S100A7: variants seen among roughly 807,000 people sequenced by gnomAD.
S100A7 encodes protein S100-A7.
A neutral mutation model predicts 3.8 loss-of-function variants in S100A7; 2 were observed. The observed-to-expected ratio is 0.53, with a 90% CI of 0.22 to 1.67. The LOEUF (loss-of-function observed/expected upper bound fraction) is 1.67. Ranked by LOEUF, S100A7 falls within the 40% of genes most tolerant of loss-of-function variation. S100A7 has a pLI of 0.20. For synonymous variants in S100A7, 55 were observed against 45.9 expected (o/e 1.20, Z -0.80); for missense variants, 130 against 126.3 (o/e 1.03, Z -0.14).
chr1:153,458,826 A>G (rs770342115), intron 2 of S100A7, 47 bp downstream of exon 2: 9 of 1,606,888 alleles, frequency 5.6e-6, no homozygotes, highest in African/African-American at 2.7e-5. Context: ...CCAAGGCCAC[A>G]TAGCAAAATG....
Position 153,457,942 on chromosome 1 carries a change from T to G in S100A7, c.170A>C (p.Asp57Ala), listed in dbSNP as rs774793621. ...CDKKGTNYLA[D>A]VFEKKDKNED... ...ATTCTTGTCCTTTTTCTCAAAGACA[T>G]CGGCGAGGTAATTTGTGCCCTTTTT... The change falls in exon 3 of 3, where the codon GAT becomes GCT. Residue 57 changes from aspartate (D) to alanine (A), a missense_variant. Physicochemically the swap from Asp to Ala is moderately radical, Grantham distance 126 (BLOSUM62 -2). Coordinates refer to ENST00000368723, the MANE Select transcript of S100A7 (RefSeq NM_002963.4). 11 of 1,613,824 alleles carry G rather than the reference T, an allele frequency of 6.8e-6. No homozygotes were observed. The highest frequency in any genetic ancestry group is 2.7e-5 in the African/African-American group (2 of 74,882).
chr1:153,460,433 A>G (rs1015239212), intron 1 of S100A7, among the ~76,000 whole-genome samples, 175 bp downstream of exon 1: 9 of 152,350 alleles, frequency 5.9e-5, no homozygotes, highest in Middle Eastern at 3.4e-3. Context: ...CCACCTGGTT[A>G]TACAGACGTG....
intron 2 of S100A7, among the ~76,000 whole-genome samples, chr1:153,458,515 G>A (rs1276637285): frequency 6.6e-6 from 1 of 151,964 alleles, no homozygotes; most frequent in Non-Finnish European, 1.5e-5. Context: ...TACTAACAAT[G>A]GAACTTCTAG....
At chr1:153,459,180 T>A in intron 1 of S100A7, 150 bp from the exon 2 acceptor site, 2 of 967,104 alleles carry the variant, frequency 2.1e-6, no homozygotes, top group East Asian at 2.7e-5. Flanking sequence ...ATGGGATAAG[T>A]TGCTCAAAAA....
In S100A7 at chr1:153,458,012, A is replaced by T. The variant is rs540092904; in HGVS notation, c.142-42T>A. 1.1e-5 allele frequency: 18 copies of T among 1,605,152 alleles called. No individual in the cohort carries two copies. The African/African-American group carries it at 1.9e-4, about 17-fold the overall frequency. On this transcript the variant is annotated intron_variant, in intron 2 of 2. Transcript: ENST00000368723. Reference sequence around the variant, plus strand: ...ATACAAAATAGAAAAATTCAATCACAAACAAGTTTTGGGCTGGGAGGGAGA... The same window carrying T: ...ATACAAAATAGAAAAATTCAATCACTAACAAGTTTTGGGCTGGGAGGGAGA...
intron 1 of S100A7, chr1:153,459,873 C>A (rs1663786438): frequency 6.6e-6 from 1 of 152,232 alleles, no homozygotes; most frequent in Non-Finnish European, 1.5e-5. Context: ...GCACCCCAAG[C>A]CTGAAAAATA....
Position 153,458,806 on chromosome 1 carries a change from G to A in S100A7, c.141+67C>T. On this transcript the variant is annotated intron_variant, in intron 2 of 2. Transcript: ENST00000368723. ...GGAAATTTTTTAATCAGAGGGTGAG[G>A]GTGATCTGTCCAAGGCCACATAGCA... The A allele has an allele frequency of 5.8e-6, 9 of 1,557,722 alleles. No homozygotes were observed. The South Asian group carries it at 7.2e-5, about 12-fold the overall frequency.
intron 1 of S100A7, among the ~76,000 whole-genome samples, chr1:153,459,428 T>C (rs1302514845): frequency 2.0e-5 from 3 of 152,068 alleles, no homozygotes; most frequent in African/African-American, 7.2e-5. Context: ...ACAGTCGGGG[T>C]GACAGTCATG....
intron 1 of S100A7, chr1:153,459,709 C>G (rs1663781205): frequency 6.6e-6 from 1 of 152,302 alleles, no homozygotes; most frequent in South Asian, 2.1e-4. Context: ...GGTTCTTAAG[C>G]TGCTGGACGG....
At chr1:153,459,154 A>AT (rs945261678) in intron 1 of S100A7, 124 bp from the exon 2 acceptor site, 2,569 of 1,148,106 alleles carry the variant, frequency 2.2e-3, no homozygotes, top group South Asian at 2.4e-3. Flanking sequence ...AACGAACTCA[A>AT]TTTTTTTTTA....
chr1:153,459,741 A>G (rs1050626090), intron 1 of S100A7: 5 of 152,208 alleles, frequency 3.3e-5, no homozygotes, highest in East Asian at 1.9e-4. Flanking sequence ...GGTGGGAGTC[A>G]CTTCATGTCT....
chr1:153,458,864 C>T lies in S100A7; in HGVS notation c.141+9G>A, dbSNP rs1296758689. 1.2e-6 allele frequency: 2 copies of T among 1,613,530 alleles called. No individual in the cohort carries two copies. The highest frequency in any genetic ancestry group is 1.7e-6 in the Non-Finnish European group (2 of 1,179,692). ...TCCTCCAACATTGAGAAGCTAGACA[C>T]CGACTCACACAGGCACTAAGGAAGT... is the stretch of plus-strand genomic sequence containing the variant. On this transcript the variant is annotated intron_variant, in intron 2 of 2. Coordinates refer to ENST00000368723, the MANE Select transcript of S100A7 (RefSeq NM_002963.4).
At chr1:153,459,508 G>A (rs377343091) in intron 1 of S100A7, among the ~76,000 whole-genome samples, 1 of 152,186 alleles carries the variant, frequency 6.6e-6, no homozygotes, top group African/African-American at 2.4e-5. Flanking sequence ...CAGACACCGT[G>A]GGCCCCACCT....
At chr1:153,459,273 T>A (rs1663764894) in intron 1 of S100A7, among the ~76,000 whole-genome samples, 1 of 152,188 alleles carries the variant, frequency 6.6e-6, no homozygotes, top group Non-Finnish European at 1.5e-5. Context: ...GAAGTCCAGC[T>A]GTGGACAGTG....
intron 1 of S100A7, among the ~76,000 whole-genome samples, chr1:153,459,493 G>A (rs1663770576): frequency 6.6e-6 from 1 of 152,208 alleles, no homozygotes; most frequent in Admixed American, 6.5e-5. Context: ...GGCTGCTTCA[G>A]GAACCAGACA....
At chr1:153,459,143 G>T in intron 1 of S100A7, 113 bp from the exon 2 acceptor site, 1 of 1,318,882 alleles carries the variant, frequency 7.6e-7, no homozygotes, top group Non-Finnish European at 1.0e-6. Context: ...AGGTGTAGCA[G>T]AACGAACTCA....
At position 153,457,848 on chromosome 1, in the gene S100A7, C is replaced by T; in HGVS notation, c.264G>A (p.Lys88=). 6.2e-7 allele frequency: 1 copy of T among 1,614,164 alleles called. No individual in the cohort carries two copies. ...AACAGGGCGCTGCTCCATGGCTCTG[C>T]TTGTGGTAGTCTGTGGCTATGTCTC... ...LLGDIATDYH[K]QSHGAAPCSG... is the part of the protein sequence containing the mutation. Residue 88 remains lysine, a synonymous_variant, in exon 3 of 3, where the codon AAG becomes AAA. Coordinates refer to ENST00000368723, the MANE Select transcript of S100A7 (RefSeq NM_002963.4).
intron 2 of S100A7, 92 bp downstream of exon 2, chr1:153,458,781 G>A: frequency 6.7e-7 from 1 of 1,482,374 alleles, no homozygotes; most frequent in Non-Finnish European, 9.1e-7. Context: ...TTTGCAAATG[G>A]GAAATTTTTT....
Position 153,458,865 on chromosome 1 carries a change from C to T in S100A7, c.141+8G>A, listed in dbSNP as rs750146955. 1.5e-5 allele frequency: 25 copies of T among 1,613,398 alleles called. No homozygotes were observed. In the Admixed American group the frequency reaches 1.8e-4, roughly 12 times the overall value. ...CCTCCAACATTGAGAAGCTAGACAC[C>T]GACTCACACAGGCACTAAGGAAGTT... On this transcript the variant is annotated splice_region_variant and intron_variant, in intron 2 of 2. Transcript: ENST00000368723.
Sources: gnomAD v4.1 joint callset for allele counts (sites outside exome capture counted in the v4.1 genomes callset) on GRCh38, gnomAD v4.1.1 for gene constraint, MANE v1.5 for transcripts, NCBI Gene and HGNC (gene_info 2026-07-23, HGNC 2026-07-21) for gene names.